The following DRC11 variants were observed in gnomAD, a reference collection of about 807,000 sequenced individuals.
The protein encoded by DRC11 is IQ and AAA domain-containing protein 1.
At chr2:236,482,787 A>G in the DRC11 span, among the ~76,000 whole-genome samples, 1 of 152,214 alleles carries the variant, frequency 6.6e-6, no homozygotes, top group Non-Finnish European at 1.5e-5. The surrounding 1 kb of genome is among the most constrained non-coding windows in gnomAD (Gnocchi z 4.5). Context: ...GTAGAATCTC[A>G]TGTAATTTTT....
the DRC11 span, among the ~76,000 whole-genome samples, chr2:236,326,298 G>T: frequency 1.3e-5 from 2 of 151,818 alleles, no homozygotes; most frequent in Non-Finnish European, 2.9e-5. Context: ...TATTCTTTTT[G>T]TGTTCTAGAA....
the DRC11 span, among the ~76,000 whole-genome samples, chr2:236,389,437 C>T: frequency 5.3e-5 from 8 of 152,164 alleles, no homozygotes; most frequent in South Asian, 2.1e-4. Context: ...AGGTGCCGTC[C>T]GTCACCCCTT....
At chr2:236,319,613 C>G in the DRC11 span, among the ~76,000 whole-genome samples, 5 of 152,178 alleles carry the variant, frequency 3.3e-5, no homozygotes, top group African/African-American at 1.2e-4. The surrounding 1 kb of genome is among the most constrained non-coding windows in gnomAD (Gnocchi z 6.7). Flanking sequence ...CCCTGCACTC[C>G]TGGGTTCCCA....
the DRC11 span, among the ~76,000 whole-genome samples, chr2:236,469,864 G>A: frequency 6.6e-6 from 1 of 152,162 alleles, no homozygotes; most frequent in African/African-American, 2.4e-5. The surrounding 1 kb of genome is among the most constrained non-coding windows in gnomAD (Gnocchi z 5.8). Flanking sequence ...TAGAGAACAC[G>A]ATAGTATGCT....
chr2:236,491,211 T>TATATAC, the DRC11 span, among the ~76,000 whole-genome samples: 3 of 38,762 alleles, frequency 7.7e-5, no homozygotes, highest in African/African-American at 1.3e-4. Context: ...TATATATATA[T>TATATAC]ACACACAGTA....
chr2:236,407,248 T>G, the DRC11 span, among the ~76,000 whole-genome samples: 2 of 152,360 alleles, frequency 1.3e-5, no homozygotes, highest in South Asian at 4.1e-4. Context: ...TAAATACATT[T>G]GTCACAAGTT....
the DRC11 span, among the ~76,000 whole-genome samples, chr2:236,480,439 C>T: frequency 6.6e-6 from 1 of 151,688 alleles, no homozygotes; most frequent in Admixed American, 6.6e-5. Context: ...TTTTTTTTCC[C>T]TCTGACTGTG....
chr2:236,320,711 C>T, the DRC11 span, among the ~76,000 whole-genome samples: 2 of 152,188 alleles, frequency 1.3e-5, no homozygotes, highest in African/African-American at 4.8e-5. Context: ...GTATTAATTA[C>T]TGTCCCCTCC....
chr2:236,460,976 G>A, the DRC11 span, among the ~76,000 whole-genome samples: 10 of 152,186 alleles, frequency 6.6e-5, no homozygotes, highest in Admixed American at 3.3e-4. This position sits in a 1 kb window ranked among gnomAD's most constrained non-coding sequence, Gnocchi z 4.0. Flanking sequence ...GGCTGGTCTC[G>A]AACTCCTGAC....
At chr2:236,498,309 A>C in the DRC11 span, among the ~76,000 whole-genome samples, 3 of 151,954 alleles carry the variant, frequency 2.0e-5, no homozygotes, top group Admixed American at 6.6e-5. Flanking sequence ...ACAAAAAAAA[A>C]AAAAAATTAG....
the DRC11 span, among the ~76,000 whole-genome samples, chr2:236,334,195 C>T: frequency 6.6e-6 from 1 of 152,182 alleles, no homozygotes. The surrounding 1 kb of genome is among the most constrained non-coding windows in gnomAD (Gnocchi z 7.8). Context: ...AGCTGATGAA[C>T]TCGAGCTGTT....
chr2:236,503,294 G>A, the DRC11 span, among the ~76,000 whole-genome samples: 1 of 152,190 alleles, frequency 6.6e-6, no homozygotes, highest in Admixed American at 6.5e-5. This position sits in a 1 kb window ranked among gnomAD's most constrained non-coding sequence, Gnocchi z 4.9. Flanking sequence ...AACCACAGCC[G>A]ACCTGATGGG....
the DRC11 span, among the ~76,000 whole-genome samples, chr2:236,500,652 G>A: frequency 1.3e-5 from 2 of 152,194 alleles, no homozygotes; most frequent in African/African-American, 4.8e-5. The surrounding 1 kb of genome is among the most constrained non-coding windows in gnomAD (Gnocchi z 6.3). Context: ...ACTTGGCACA[G>A]TGTATTAGTC....
At chr2:236,402,511 C>T in the DRC11 span, among the ~76,000 whole-genome samples, 4 of 152,126 alleles carry the variant, frequency 2.6e-5, no homozygotes, top group African/African-American at 4.8e-5. The surrounding 1 kb of genome is among the most constrained non-coding windows in gnomAD (Gnocchi z 6.0). Flanking sequence ...AGGGGAGGCC[C>T]GGGGTGCTCG....
chr2:236,371,679 T>A, the DRC11 span, among the ~76,000 whole-genome samples: 5 of 152,172 alleles, frequency 3.3e-5, no homozygotes, highest in Non-Finnish European at 5.9e-5. The surrounding 1 kb of genome is among the most constrained non-coding windows in gnomAD (Gnocchi z 5.1). Context: ...TCTCACGTCA[T>A]TTTTGATTGT....
the DRC11 span, among the ~76,000 whole-genome samples, chr2:236,318,654 GTGTT>G: frequency 3.3e-5 from 5 of 152,044 alleles, no homozygotes; most frequent in African/African-American, 9.7e-5. This position sits in a 1 kb window ranked among gnomAD's most constrained non-coding sequence, Gnocchi z 7.0. Context: ...ATGTGTGCAT[GTGTT>G]TGTGTAGTGT....
the DRC11 span, among the ~76,000 whole-genome samples, chr2:236,369,478 C>T: frequency 3.9e-5 from 6 of 152,158 alleles, no homozygotes; most frequent in Non-Finnish European, 8.8e-5. The surrounding 1 kb of genome is among the most constrained non-coding windows in gnomAD (Gnocchi z 4.5). Context: ...TTAGCCTCCA[C>T]TAGAATAGAA....
the DRC11 span, among the ~76,000 whole-genome samples, chr2:236,411,635 T>C: frequency 2.0e-5 from 3 of 150,486 alleles, no homozygotes; most frequent in East Asian, 5.9e-4. Context: ...AGCAAAGACT[T>C]GGAACCAACC....
chr2:236,323,042 CT>C, the DRC11 span, among the ~76,000 whole-genome samples: 2 of 152,262 alleles, frequency 1.3e-5, no homozygotes, highest in South Asian at 4.1e-4. The surrounding 1 kb of genome is among the most constrained non-coding windows in gnomAD (Gnocchi z 6.4). Context: ...TTTATGAGTT[CT>C]GAAAAAGTGT....
Sources: allele counts gnomAD v4.1 joint callset (sites outside exome capture counted in the v4.1 genomes callset), GRCh38; gene constraint gnomAD v4.1.1; non-coding constraint Gnocchi (gnomAD v3.1); transcripts MANE v1.5; gene names NCBI Gene and HGNC (gene_info 2026-07-23, HGNC 2026-07-21).